SPOCK1: variants seen among roughly 807,000 people sequenced by gnomAD.
SPOCK1 encodes testican-1.
Under a neutral mutation model 55.3 loss-of-function variants are expected in SPOCK1, and 23 were observed. The ratio of observed to expected loss-of-function variants is 0.42; its 90% CI spans 0.30 to 0.59. The LOEUF is 0.59. Ranked by LOEUF, SPOCK1 falls within the 20% of genes least tolerant of loss-of-function variation. The pLI is 0.22. For synonymous variants in SPOCK1, 226 were observed against 221.0 expected (o/e 1.02, Z -0.20); for missense variants, 499 against 552.5 (o/e 0.90, Z 0.97).
intron 10 of SPOCK1, 57 bp from the exon 11 acceptor site, chr5:136,978,901 T>G (rs764383293): frequency 4.0e-6 from 6 of 1,518,234 alleles, no homozygotes; most frequent in Non-Finnish European, 5.3e-6. Context: ...ATGACCCACG[T>G]CAGGGGTTCC....
intron 3 of SPOCK1, among the ~76,000 whole-genome samples, chr5:137,203,766 G>A (rs1241792404): frequency 6.6e-6 from 1 of 151,966 alleles, no homozygotes; most frequent in Non-Finnish European, 1.5e-5. Context: ...TGATTTATAG[G>A]GTGCTTTCTA....
chr5:136,979,240 C>T, intron 10 of SPOCK1, 92 bp downstream of exon 10: 18 of 1,543,076 alleles, frequency 1.2e-5, no homozygotes, highest in Non-Finnish European at 1.6e-5. Flanking sequence ...ACTGGAGTTA[C>T]CTCTCAACAT....
rs758942147 is a variant in SPOCK1, at chr5:136,977,789, A to G, written c.*865T>C. ...CAGTAACTCTGCTGATGCACAGAGAAGAGACTTCCTCAGCCTGCAGGCTAC... is the reference window on the plus strand; with the variant it reads ...CAGTAACTCTGCTGATGCACAGAGAGGAGACTTCCTCAGCCTGCAGGCTAC... On this transcript the variant is annotated 3_prime_UTR_variant, in exon 11 of 11. Coordinates refer to ENST00000394945, the MANE Select transcript of SPOCK1 (RefSeq NM_004598.4). The G allele has an allele frequency of 2.5e-5, 10 of 398,914 alleles. No individual in the cohort carries two copies. Among genetic ancestry groups the G allele is most frequent in the Non-Finnish European group, 4.4e-5 (10 of 226,060 alleles). 24.7% of individuals were successfully genotyped at this position (398,914 alleles called of 1,614,324 possible).
rs1028126916 is a variant in SPOCK1 at position 137,471,365 on chromosome 5, C to T, written c.186+27008G>A. ...TGTTTGTTTTTGTTTTGCTTTGACACCCAATAGCTGTGAGGATTTGGGCAG... is the reference window on the plus strand; with the variant it reads ...TGTTTGTTTTTGTTTTGCTTTGACATCCAATAGCTGTGAGGATTTGGGCAG... On this transcript the variant is annotated intron_variant, in intron 2 of 10. Transcript: ENST00000394945. Among the ~76,000 whole-genome samples, 6 of 152,252 alleles carry T rather than the reference C, an allele frequency of 3.9e-5. No individual in the cohort carries two copies. In the South Asian group the frequency reaches 1.0e-3, roughly 26 times the overall value.
At chr5:137,447,938 T>C (rs10213894) in intron 2 of SPOCK1, among the ~76,000 whole-genome samples, 42,099 of 152,072 alleles carry the variant, frequency 0.28, 6,088 homozygotes, top group Admixed American at 0.36. Flanking sequence ...CAAATAGGCA[T>C]TAAGCATTGG....
chr5:137,236,163 A>G (rs989903237), intron 3 of SPOCK1, among the ~76,000 whole-genome samples: 1 of 152,232 alleles, frequency 6.6e-6, no homozygotes, highest in South Asian at 2.1e-4. Flanking sequence ...GCCACCTTCC[A>G]TGACTATCTG....
At chr5:137,112,098 TC>T (rs1241102203) in intron 5 of SPOCK1, among the ~76,000 whole-genome samples, 1 of 152,104 alleles carries the variant, frequency 6.6e-6, no homozygotes, top group Non-Finnish European at 1.5e-5. Context: ...ACTGGTTTGC[TC>T]CCCATCAGTT....
At position 137,266,990 on chromosome 5, in the gene SPOCK1, A is replaced by T. The variant is rs745632204; in HGVS notation, c.232+20T>A. ...CACATTTACCACAGACTATACAGCA[A>T]GAAATATTGCATCCATTACCTTGGT... On this transcript the variant is annotated intron_variant, in intron 3 of 10. Transcript: ENST00000394945. 16 of 1,608,548 alleles carry T rather than the reference A, an allele frequency of 9.9e-6. No homozygotes were observed. The African/African-American group carries it at 2.1e-4, about 22-fold the overall frequency.
chr5:137,364,757 G>T (rs927706021), intron 2 of SPOCK1, among the ~76,000 whole-genome samples: 3 of 152,198 alleles, frequency 2.0e-5, no homozygotes, highest in African/African-American at 7.2e-5. Context: ...TTTATACCAA[G>T]GATAGAGCAG....
At chr5:137,300,923 C>T (rs1757577081) in intron 2 of SPOCK1, among the ~76,000 whole-genome samples, 1 of 152,146 alleles carries the variant, frequency 6.6e-6, no homozygotes, top group Non-Finnish European at 1.5e-5. Context: ...CACAAGGGTC[C>T]ATTCCCTCCC....
chr5:137,441,066 G>A lies in SPOCK1; in HGVS notation c.186+57307C>T, dbSNP rs572587588. Among the ~76,000 whole-genome samples the A allele has an allele frequency of 5.3e-5, 8 of 152,314 alleles. No individual in the cohort carries two copies. The South Asian group carries it at 6.2e-4, about 12-fold the overall frequency. On this transcript the variant is annotated intron_variant, in intron 2 of 10. Coordinates refer to ENST00000394945, the MANE Select transcript of SPOCK1 (RefSeq NM_004598.4). Reference sequence around the variant, plus strand: ...CTCGTTCACTTGTCTGCAGGTGATTGAACATCCGTCACAACTCTTCCTGTG... The same window carrying A: ...CTCGTTCACTTGTCTGCAGGTGATTAAACATCCGTCACAACTCTTCCTGTG...
intron 2 of SPOCK1, among the ~76,000 whole-genome samples, chr5:137,430,132 A>G (rs1315112311): frequency 6.6e-6 from 1 of 152,226 alleles, no homozygotes; most frequent in East Asian, 1.9e-4. Context: ...TAATCTTACT[A>G]CACAGAGGTG....
At chr5:137,021,921 A>G (rs756217376) in intron 6 of SPOCK1, among the ~76,000 whole-genome samples, 1 of 152,240 alleles carries the variant, frequency 6.6e-6, no homozygotes, top group African/African-American at 2.4e-5. Context: ...TGCTTGATGC[A>G]GAAGTTTTAG....
At chr5:137,166,031 C>A (rs2127055194) in intron 3 of SPOCK1, among the ~76,000 whole-genome samples, 1 of 152,090 alleles carries the variant, frequency 6.6e-6, no homozygotes, top group Admixed American at 6.5e-5. Flanking sequence ...CTTCCCAAAC[C>A]TACAGAAAAA....
intron 2 of SPOCK1, among the ~76,000 whole-genome samples, chr5:137,413,364 C>T (rs998723652): frequency 6.6e-6 from 1 of 152,064 alleles, no homozygotes; most frequent in Non-Finnish European, 1.5e-5. Flanking sequence ...AACAAAAAAC[C>T]ACACATGCAC....
At chr5:137,374,002 G>C (rs1751259222) in intron 2 of SPOCK1, among the ~76,000 whole-genome samples, 1 of 152,256 alleles carries the variant, frequency 6.6e-6, no homozygotes, top group African/African-American at 2.4e-5. Flanking sequence ...TTTAATTCTA[G>C]TTAAAATGGG....
intron 2 of SPOCK1, among the ~76,000 whole-genome samples, chr5:137,326,510 G>C (rs975933190): frequency 6.6e-6 from 1 of 152,146 alleles, no homozygotes; most frequent in African/African-American, 2.4e-5. Flanking sequence ...GTAATTTCTT[G>C]CATATGCATT....
Position 137,048,805 on chromosome 5 carries a change from T to A in SPOCK1, c.589+18910A>T, listed in dbSNP as rs1471671108. Among the ~76,000 whole-genome samples the A allele has an allele frequency of 1.7e-3, 177 of 105,602 alleles. 1 individual carries two copies. Among genetic ancestry groups the A allele is most frequent in the Non-Finnish European group, 2.4e-3 (126 of 52,656 alleles). 69.3% of individuals were successfully genotyped at this position (105,602 alleles called of 152,430 possible). A position where few individuals can be genotyped will look rare whatever the true frequency, so the allele number is the denominator to read the frequency against. On this transcript the variant is annotated intron_variant, in intron 6 of 10. Transcript: ENST00000394945. ...GGTTGTTCCTTTCCATGTTTAGCGC[T>A]TCCTTCAGGAGCTCTTTTAGGGCAG...
chr5:137,213,300 G>T (rs1323713527), intron 3 of SPOCK1, among the ~76,000 whole-genome samples: 1 of 152,122 alleles, frequency 6.6e-6, no homozygotes, highest in Non-Finnish European at 1.5e-5. Flanking sequence ...CTAACCCGAG[G>T]TCACATAACA....
Sources: gnomAD v4.1 joint callset for allele counts (sites outside exome capture counted in the v4.1 genomes callset) on GRCh38, gnomAD v4.1.1 for gene constraint, MANE v1.5 for transcripts, NCBI Gene and HGNC (gene_info 2026-07-23, HGNC 2026-07-21) for gene names.